Variants in GPC5 observed in about 807,000 individuals in gnomAD.
The protein encoded by GPC5 is glypican 5, also known as glypican-5.
Under a neutral mutation model 53.9 loss-of-function variants are expected in GPC5, and 47 were observed. The ratio of observed to expected loss-of-function variants is 0.87; its 90% CI spans 0.69 to 1.11. The LOEUF (loss-of-function observed/expected upper bound fraction) is 1.11, where lower values mean the gene tolerates loss of function less well. Ranked by LOEUF, GPC5 falls within the 50% of genes most tolerant of loss-of-function variation. The probability of loss-of-function intolerance (pLI) is 0.00; values close to 1 mark genes in which losing one functional copy is unlikely to be tolerated. For synonymous variants in GPC5, 286 were observed against 263.3 expected, an observed-to-expected ratio of 1.09 and a Z score of -0.84; for missense variants, 748 against 713.1, an observed-to-expected ratio of 1.05 and a Z score of -0.56.
At chr13:92,481,103 T>G (rs1879335754) in intron 7 of GPC5, among the ~76,000 whole-genome samples, 1 of 132,240 alleles carries the variant, frequency 7.6e-6, no homozygotes, top group Non-Finnish European at 1.7e-5. Flanking sequence ...TATATTTTTT[T>G]GCATTTTTTT....
chr13:92,152,244 T>G (rs1198149940), intron 7 of GPC5, among the ~76,000 whole-genome samples: 1 of 152,228 alleles, frequency 6.6e-6, no homozygotes, highest in African/African-American at 2.4e-5. Flanking sequence ...ACCAGCAATA[T>G]AGTGAACTAC....
At chr13:92,423,202 C>A (rs1876660377) in intron 7 of GPC5, among the ~76,000 whole-genome samples, 1 of 152,170 alleles carries the variant, frequency 6.6e-6, no homozygotes, top group Non-Finnish European at 1.5e-5. Flanking sequence ...AAAGGCCCTA[C>A]CTCCAAATGC....
At chr13:92,583,903 C>T (rs1214236652) in intron 7 of GPC5, among the ~76,000 whole-genome samples, 2 of 152,062 alleles carry the variant, frequency 1.3e-5, no homozygotes, top group Non-Finnish European at 2.9e-5. Flanking sequence ...GGGAGTTTCC[C>T]TGCACAAGCT....
At chr13:91,470,455 C>T (rs147930103) in intron 2 of GPC5, among the ~76,000 whole-genome samples, 130 of 152,122 alleles carry the variant, frequency 8.5e-4, no homozygotes, top group African/African-American at 3.1e-3. Context: ...AAGTGGGAAG[C>T]GAGATGGAAA....
At chr13:91,413,103 A>C (rs1352827624) in intron 1 of GPC5, among the ~76,000 whole-genome samples, 1 of 152,130 alleles carries the variant, frequency 6.6e-6, no homozygotes, top group Non-Finnish European at 1.5e-5. Context: ...GCAAATAGGG[A>C]GACTCCATCT....
chr13:92,385,780 TATG>T (rs1874679296), intron 7 of GPC5, among the ~76,000 whole-genome samples: 1 of 27,308 alleles, frequency 3.7e-5, no homozygotes, highest in Admixed American at 3.2e-4. Context: ...TATATACATA[TATG>T]TATATATATA....
chr13:91,644,066 A>G (rs2034500659), intron 2 of GPC5, among the ~76,000 whole-genome samples: 1 of 152,056 alleles, frequency 6.6e-6, no homozygotes, highest in African/African-American at 2.4e-5. Context: ...CATAGGCTAC[A>G]TAGGATATAT....
At chr13:92,350,153 G>A (rs1036289890) in intron 7 of GPC5, among the ~76,000 whole-genome samples, 3 of 152,084 alleles carry the variant, frequency 2.0e-5, no homozygotes, top group African/African-American at 2.4e-5. Flanking sequence ...CTTATTAGAT[G>A]CAGAAAAAAG....
At chr13:91,949,530 A>T (rs1444313747) in intron 6 of GPC5, among the ~76,000 whole-genome samples, 1 of 152,226 alleles carries the variant, frequency 6.6e-6, no homozygotes, top group Non-Finnish European at 1.5e-5. Context: ...TCCTTAAAGG[A>T]TGCTAAAGGT....
intron 6 of GPC5, among the ~76,000 whole-genome samples, chr13:91,983,219 G>C (rs976096575): frequency 1.3e-5 from 2 of 152,058 alleles, no homozygotes; most frequent in African/African-American, 2.4e-5. Context: ...ACTGGCGGGC[G>C]CCTGTAGTCC....
At chr13:92,569,793 T>A (rs1288317268) in intron 7 of GPC5, among the ~76,000 whole-genome samples, 2 of 152,266 alleles carry the variant, frequency 1.3e-5, no homozygotes, top group African/African-American at 4.8e-5. Context: ...CTAAGACACA[T>A]TAGTGTTTTA....
intron 5 of GPC5, among the ~76,000 whole-genome samples, chr13:91,890,417 G>T (rs2039372405): frequency 6.6e-6 from 1 of 152,050 alleles, no homozygotes; most frequent in South Asian, 2.1e-4. Context: ...CTGCAGTAAG[G>T]TTTCAGTTGT....
chr13:91,402,244 C>G (rs1426217362), intron 1 of GPC5, among the ~76,000 whole-genome samples: 1 of 152,142 alleles, frequency 6.6e-6, no homozygotes, highest in African/African-American at 2.4e-5. Flanking sequence ...CAAGTATACT[C>G]TCGATATCAA....
At chr13:92,773,638 C>T (rs913237543) in intron 7 of GPC5, among the ~76,000 whole-genome samples, 1 of 152,142 alleles carries the variant, frequency 6.6e-6, no homozygotes, top group African/African-American at 2.4e-5. Context: ...GCTTATTAGG[C>T]CTTCTAATTG....
chr13:92,621,810 C>A (rs1176366649), intron 7 of GPC5, among the ~76,000 whole-genome samples: 2 of 152,116 alleles, frequency 1.3e-5, no homozygotes, highest in South Asian at 4.1e-4. Flanking sequence ...CAGAGAAAGA[C>A]CCTGTCACTA....
chr13:92,069,762 C>A (rs116820456), intron 6 of GPC5, among the ~76,000 whole-genome samples: 256 of 152,182 alleles, frequency 1.7e-3, no homozygotes, highest in African/African-American at 5.7e-3. Flanking sequence ...TCCAGAACTG[C>A]CAAATCTGGA....
intron 7 of GPC5, among the ~76,000 whole-genome samples, chr13:92,602,246 A>ATATATATAACATATG (rs1884099339): frequency 7.1e-6 from 1 of 140,506 alleles, no homozygotes; most frequent in African/African-American, 2.6e-5. Context: ...ATATATATAT[A>ATATATATAACATATG]TATATATATA....
intron 5 of GPC5, among the ~76,000 whole-genome samples, chr13:91,811,895 C>T (rs912253832): frequency 1.3e-5 from 2 of 152,296 alleles, no homozygotes; most frequent in Non-Finnish European, 2.9e-5. Flanking sequence ...TACATCACAG[C>T]GAAGATCTAA....
chr13:91,947,133 C>A (rs2039981623), intron 6 of GPC5, among the ~76,000 whole-genome samples: 1 of 152,120 alleles, frequency 6.6e-6, no homozygotes, highest in African/African-American at 2.4e-5. Context: ...GGTCAGATTA[C>A]TTTTAGTGTA....
Sources: gnomAD v4.1 joint callset for allele counts (sites outside exome capture counted in the v4.1 genomes callset) on GRCh38, gnomAD v4.1.1 for gene constraint, MANE v1.5 for transcripts, NCBI Gene and HGNC (gene_info 2026-07-23, HGNC 2026-07-21) for gene names.